Variants in ECT2 observed in about 807,000 individuals in gnomAD.
ECT2 encodes the protein protein ECT2.
Under a neutral mutation model 116.9 loss-of-function variants are expected in ECT2, and 61 were observed. The observed-to-expected ratio is 0.52, with a 90% CI of 0.42 to 0.65. The LOEUF is 0.65. Among genes scored for constraint, ECT2 ranks in the 30% least tolerant of loss-of-function variants. ECT2 has a pLI of 0.00. For missense variants in ECT2, 937 were observed against 1,078.7 expected (o/e 0.87, Z 1.84); for synonymous variants, 358 against 346.4 (o/e 1.03, Z -0.37).
At chr3:172,771,635 A>G (rs1015773342) in intron 13 of ECT2, among the ~76,000 whole-genome samples, 6 of 152,204 alleles carry the variant, frequency 3.9e-5, no homozygotes, top group Admixed American at 1.3e-4. Context: ...TTTTTTTATG[A>G]GACGAGAGAT....
intron 17 of ECT2, 84 bp downstream of exon 17, chr3:172,784,887 T>C (rs1723338557): frequency 1.2e-6 from 1 of 850,464 alleles, no homozygotes; most frequent in African/African-American, 1.7e-5. Context: ...TTCTCATTTT[T>C]AGAGTTTCTT....
chr3:172,771,256 T>C (rs1014024121), intron 13 of ECT2: 1 of 152,190 alleles, frequency 6.6e-6, no homozygotes, highest in African/African-American at 2.4e-5. Context: ...TCATACAAAA[T>C]GATCATATAA....
intron 12 of ECT2, among the ~76,000 whole-genome samples, chr3:172,766,514 T>C (rs983302117): frequency 1.3e-5 from 2 of 152,186 alleles, no homozygotes; most frequent in Non-Finnish European, 2.9e-5. Context: ...TACAATCGCT[T>C]CGGCCATGAA....
intron 13 of ECT2, chr3:172,771,228 A>G (rs894354700): frequency 7.9e-5 from 12 of 152,172 alleles, no homozygotes; most frequent in African/African-American, 2.7e-4. Flanking sequence ...GTAACATAGA[A>G]TCACAGCCCT....
rs184479997 is a variant in ECT2 at position 172,778,404 on chromosome 3, C to T, written c.1549-3759C>T. On this transcript the variant is annotated intron_variant, in intron 14 of 24. Coordinates refer to ENST00000392692, the MANE Select transcript of ECT2 (RefSeq NM_001258315.2). ...AGTAGTGGTATTATGAATAAAGCTACTGGGGACTCGCCTGCCAAACTGAGT... is the reference window on the plus strand; with the variant it reads ...AGTAGTGGTATTATGAATAAAGCTATTGGGGACTCGCCTGCCAAACTGAGT... 4.6e-5 allele frequency among the ~76,000 whole-genome samples: 7 copies of T among 152,224 alleles called. No individual in the cohort carries two copies. The East Asian group carries it at 1.4e-3, about 29-fold the overall frequency.
At chr3:172,771,817 T>A (rs930416405) in intron 13 of ECT2, among the ~76,000 whole-genome samples, 4 of 152,174 alleles carry the variant, frequency 2.6e-5, no homozygotes, top group African/African-American at 9.7e-5. Flanking sequence ...GAGGATAGAT[T>A]TGAGAAATAT....
intron 22 of ECT2, among the ~76,000 whole-genome samples, chr3:172,810,631 TA>T (rs1728603161): frequency 6.6e-6 from 1 of 152,128 alleles, no homozygotes; most frequent in African/African-American, 2.4e-5. Flanking sequence ...AGGCACAGGC[TA>T]AAGGGAGGGG....
At chr3:172,817,059 G>T (rs1347426941) in intron 24 of ECT2, among the ~76,000 whole-genome samples, 1 of 151,936 alleles carries the variant, frequency 6.6e-6, no homozygotes, top group Admixed American at 6.6e-5. Context: ...AAAATGTGGG[G>T]TGCACCTTAT....
chr3:172,767,304 G>A (rs1316731599), intron 12 of ECT2, among the ~76,000 whole-genome samples: 4 of 152,118 alleles, frequency 2.6e-5, no homozygotes, highest in African/African-American at 9.7e-5. Flanking sequence ...AGCAGGGTGT[G>A]GTGGTGTGCG....
intron 13 of ECT2, 80 bp from the exon 14 acceptor site, chr3:172,773,823 T>C: frequency 7.3e-7 from 1 of 1,368,178 alleles, no homozygotes; most frequent in South Asian, 1.3e-5. Flanking sequence ...TAATATCTTG[T>C]GTCTCCTTTA....
At chr3:172,779,342 G>A (rs1038095666) in intron 14 of ECT2, among the ~76,000 whole-genome samples, 3 of 151,974 alleles carry the variant, frequency 2.0e-5, no homozygotes, top group African/African-American at 7.3e-5. Context: ...AGTTCTTGAT[G>A]TGTGTGGGCT....
chr3:172,802,819 G>T, intron 19 of ECT2, 42 bp from the exon 20 acceptor site: 1 of 1,576,910 alleles, frequency 6.3e-7, no homozygotes, highest in Non-Finnish European at 8.6e-7. Flanking sequence ...AAAATTACTT[G>T]ATACCAAGTG....
Position 172,754,558 on chromosome 3 carries a change from A to G in ECT2, c.28A>G (p.Thr10Ala), listed in dbSNP as rs527340134. Reference sequence around the variant, plus strand: ...GGCTGAAAATAGTGTATTAACATCCACTACTGGGAGGACTAGCTTGGCAGA... The same window carrying G: ...GGCTGAAAATAGTGTATTAACATCCGCTACTGGGAGGACTAGCTTGGCAGA... MAENSVLTS[T>A]TGRTSLADSS... The change falls in exon 2 of 25, where the codon ACT (threonine) becomes GCT (alanine). Residue 10 changes from threonine (T) to alanine (A), a missense_variant. Coordinates refer to ENST00000392692, the MANE Select transcript of ECT2 (RefSeq NM_001258315.2). The G allele has an allele frequency of 1.9e-6, 3 of 1,607,164 alleles. No homozygotes were observed. The African/African-American group carries it at 4.0e-5, about 22-fold the overall frequency.
intron 22 of ECT2, among the ~76,000 whole-genome samples, chr3:172,810,712 A>G (rs1728617801): frequency 1.3e-5 from 2 of 152,084 alleles, no homozygotes; most frequent in African/African-American, 2.4e-5. Flanking sequence ...GAAAGGGGAG[A>G]AGTGTCTCAT....
chr3:172,773,849 T>C, intron 13 of ECT2, 54 bp from the exon 14 acceptor site: 4 of 1,548,382 alleles, frequency 2.6e-6, no homozygotes, highest in Non-Finnish European at 3.5e-6. Context: ...GTCTATCTTT[T>C]AGCTCTTTTC....
chr3:172,813,231 T>G (rs988177092), intron 22 of ECT2, among the ~76,000 whole-genome samples: 1 of 152,070 alleles, frequency 6.6e-6, no homozygotes, highest in African/African-American at 2.4e-5. Flanking sequence ...TGAAGACCTC[T>G]TTTCCAATAA....
intron 20 of ECT2, among the ~76,000 whole-genome samples, chr3:172,804,488 C>G (rs1727315010): frequency 6.6e-6 from 1 of 152,092 alleles, no homozygotes; most frequent in African/African-American, 2.4e-5. Context: ...CTTTAGCCTG[C>G]CCTGATTGAG....
At chr3:172,772,157 C>T (rs971178489) in intron 13 of ECT2, among the ~76,000 whole-genome samples, 1 of 152,044 alleles carries the variant, frequency 6.6e-6, no homozygotes, top group African/African-American at 2.4e-5. Context: ...TGTGCCACCA[C>T]ACCCAGCTCA....
At position 172,755,422 on chromosome 3, in the gene ECT2, C is replaced by T. The variant is rs775380859; in HGVS notation, c.210+48C>T. On this transcript the variant is annotated intron_variant, in intron 3 of 24. Coordinates refer to ENST00000392692, the MANE Select transcript of ECT2 (RefSeq NM_001258315.2). ...TTTTTTTGTAATGCAATTTTTCTTC[C>T]ATCAGTGTGTAAATAGTTTCATAGC... 5 of 1,548,094 alleles carry T rather than the reference C, an allele frequency of 3.2e-6. No homozygotes were observed. The East Asian group carries it at 9.2e-5, about 28-fold the overall frequency.
Sources: allele counts gnomAD v4.1 joint callset (sites outside exome capture counted in the v4.1 genomes callset), GRCh38; gene constraint gnomAD v4.1.1; transcripts MANE v1.5; gene names NCBI Gene and HGNC (gene_info 2026-07-23, HGNC 2026-07-21).